The following POLR1C variants were observed in gnomAD, a reference collection of about 807,000 sequenced individuals.
POLR1C encodes RNA polymerase I and III subunit C, also known as DNA-directed RNA polymerases I and III subunit RPAC1.
Under a neutral mutation model 38.3 loss-of-function variants are expected in POLR1C, and 42 were observed. The ratio of observed to expected loss-of-function variants is 1.10; its 90% CI spans 0.86 to 1.42. POLR1C has a LOEUF of 1.42. POLR1C is among the 40% of genes most tolerant of loss of function. The pLI is 0.00. For missense variants in POLR1C, 507 were observed against 450.5 expected, an observed-to-expected ratio of 1.13 and a Z score of -1.14; for synonymous variants, 163 against 163.9, an observed-to-expected ratio of 0.99 and a Z score of 0.04.
chr6:43,557,132 A>C (rs1290328261), intron 10 of POLR1C, among the ~76,000 whole-genome samples: 1 of 149,716 alleles, frequency 6.7e-6, no homozygotes, highest in Admixed American at 6.7e-5. Context: ...CATCTCAAAA[A>C]AAAAAAAAAA....
exon 10 of POLR1C, chr6:43,551,004 G>A (rs533909666): frequency 4.8e-6 from 1 of 208,550 alleles, no homozygotes; most frequent in East Asian, 1.1e-4. Flanking sequence ...CATGGTACCT[G>A]ATCCACAGTA....
intron 9 of POLR1C, chr6:43,539,551 G>A (rs1476449763): frequency 1.9e-5 from 26 of 1,397,236 alleles, no homozygotes; most frequent in East Asian, 6.9e-5. Flanking sequence ...CCTTGCCTCC[G>A]CGAGCTCCGC....
intron 10 of POLR1C, among the ~76,000 whole-genome samples, chr6:43,554,391 G>A (rs1335387566): frequency 1.3e-5 from 2 of 150,408 alleles, no homozygotes; most frequent in African/African-American, 2.4e-5. Flanking sequence ...GATTACAGGC[G>A]TGAGCCACTG....
At chr6:43,546,732 G>T in intron 9 of POLR1C, 1 of 1,605,644 alleles carries the variant, frequency 6.2e-7, no homozygotes, top group Admixed American at 1.7e-5. Context: ...CACCCAGAAT[G>T]CTGTATACAC....
At chr6:43,550,238 T>A (rs893590390) in intron 9 of POLR1C, among the ~76,000 whole-genome samples, 1 of 152,224 alleles carries the variant, frequency 6.6e-6, no homozygotes, top group Non-Finnish European at 1.5e-5. Context: ...TATCAAAAGT[T>A]GTATGGTCTA....
At chr6:43,526,281 A>T, downstream of POLR1C, 1 of 364,122 alleles carries the variant, frequency 2.7e-6, no homozygotes, top group Non-Finnish European at 5.1e-6. Flanking sequence ...ACATTCTAAC[A>T]TGGGAGATAG....
downstream of POLR1C, chr6:43,526,024 G>C: frequency 7.4e-7 from 1 of 1,347,192 alleles, no homozygotes; most frequent in African/African-American, 1.4e-5. Context: ...GAGTGTTCTA[G>C]GCTAAGTGGT....
intron 2 of POLR1C, chr6:43,519,036 G>A (rs112792685): frequency 4.6e-6 from 2 of 438,086 alleles, no homozygotes; most frequent in Non-Finnish European, 8.4e-6. Context: ...AGAGGACTGA[G>A]TAGTGTCAAC....
At chr6:43,551,695 C>A (rs184013713) in intron 10 of POLR1C, among the ~76,000 whole-genome samples, 8 of 151,852 alleles carry the variant, frequency 5.3e-5, no homozygotes, top group Admixed American at 3.9e-4. Context: ...TGGATACTTT[C>A]TAAAATTTTT....
At chr6:43,525,959 C>G (rs1561862752), downstream of POLR1C, 1 of 1,607,638 alleles carries the variant, frequency 6.2e-7, no homozygotes, top group East Asian at 2.2e-5. Context: ...TCCATCCTTT[C>G]AGAACAGAGA....
chr6:43,527,304 ACT>A (rs1404293449), intron 8 of POLR1C: 2 of 217,096 alleles, frequency 9.2e-6, no homozygotes, highest in South Asian at 1.5e-4. Context: ...ACGGAGTTTC[ACT>A]CTTTTGCCAG....
At chr6:43,543,276 G>C (rs1471645258) in intron 9 of POLR1C, among the ~76,000 whole-genome samples, 1 of 151,972 alleles carries the variant, frequency 6.6e-6, no homozygotes, top group African/African-American at 2.4e-5. Flanking sequence ...AACATAGAGA[G>C]AACCTATCTC....
chr6:43,553,515 A>C, intron 10 of POLR1C: 3 of 1,546,928 alleles, frequency 1.9e-6, no homozygotes, highest in Non-Finnish European at 2.6e-6. Flanking sequence ...TTTAAAACAC[A>C]CACACACACA....
At chr6:43,542,228 G>A (rs566782142) in intron 9 of POLR1C, among the ~76,000 whole-genome samples, 2 of 152,114 alleles carry the variant, frequency 1.3e-5, no homozygotes, top group South Asian at 4.2e-4. Flanking sequence ...TGAAAGTACT[G>A]TAACACTTGA....
chr6:43,519,687 G>A lies in POLR1C; in HGVS notation c.250-19G>A. 1 of 1,614,190 alleles carries A rather than the reference G, an allele frequency of 6.2e-7. No homozygotes were observed. Among genetic ancestry groups the A allele is most frequent in the Non-Finnish European group, 8.5e-7 (1 of 1,180,026 alleles). On this transcript the variant is annotated intron_variant, in intron 3 of 8. Transcript: ENST00000642195. ...TCTGTTGGGTTTTTGCAGATAAGTG[G>A]TTATTTTTCCTTGGGCAGGTGCCAA...
At chr6:43,526,881 A>G in intron 8 of POLR1C, 3 of 834,474 alleles carry the variant, frequency 3.6e-6, no homozygotes, top group Non-Finnish European at 5.9e-6. Context: ...TCCAAGGCAC[A>G]AGAATTAGCT....
chr6:43,541,702 CATA>C (rs1389292381), intron 9 of POLR1C, among the ~76,000 whole-genome samples: 25 of 152,182 alleles, frequency 1.6e-4, no homozygotes, highest in South Asian at 2.1e-4. Flanking sequence ...TTTCACTTAG[CATA>C]ATGTTTTGAA....
exon 11 of POLR1C, chr6:43,562,309 C>G: frequency 6.2e-7 from 1 of 1,609,754 alleles, no homozygotes; most frequent in Non-Finnish European, 8.5e-7. Flanking sequence ...TTCAGAAAGA[C>G]GTAGTGTTTT....
rs773684449 is a variant in POLR1C at position 43,520,605 on chromosome 6, C to T, written c.656-20C>T. 2.7e-5 allele frequency: 44 copies of T among 1,613,946 alleles called. No homozygotes were observed. The highest frequency in any genetic ancestry group is 3.3e-5 in the Admixed American group (2 of 60,002). ...ACCCTAGAAGGGTTTCCTATAGGCA[C>T]GTTCCCTCTTCCTCTCCAGGCAAAG... is the stretch of plus-strand genomic sequence containing the variant. On this transcript the variant is annotated intron_variant, in intron 6 of 8. Transcript: ENST00000642195.
Sources: allele counts gnomAD v4.1 joint callset (sites outside exome capture counted in the v4.1 genomes callset), GRCh38; gene constraint gnomAD v4.1.1; transcripts MANE v1.5; gene names NCBI Gene and HGNC (gene_info 2026-07-23, HGNC 2026-07-21).